Variants in IL17REL observed in about 807,000 individuals in gnomAD.
IL17REL encodes the protein interleukin 17 receptor E like.
In IL17REL, 36 loss-of-function variants were observed where a neutral mutation model predicts 49.0. That is an observed-to-expected ratio of 0.73 (90% CI 0.56 to 0.97). IL17REL has a LOEUF of 0.97. Among genes scored for constraint, IL17REL ranks in the 50% least tolerant of loss-of-function variants. The pLI, the probability that IL17REL is intolerant of heterozygous loss-of-function variation, is 0.00. For synonymous variants in IL17REL, 206 were observed against 192.4 expected (o/e 1.07, Z -0.58); for missense variants, 470 against 453.9 (o/e 1.04, Z -0.32).
exon 2 of IL17REL, chr22:50,001,109 G>A (rs147243670): frequency 1.4e-5 from 22 of 1,598,466 alleles, no homozygotes; most frequent in Admixed American, 5.2e-5. Flanking sequence ...GCGCGTACAC[G>A]CAGGAGCATC....
chr22:49,997,250 A>C, intron 11 of IL17REL, 70 bp downstream of exon 13: 3 of 1,506,378 alleles, frequency 2.0e-6, no homozygotes, highest in Non-Finnish European at 1.8e-6. Context: ...AGACCACCAC[A>C]GGGAAGTGAT....
chr22:50,006,128 G>A (rs1213591573), intron 1 of IL17REL, among the ~76,000 whole-genome samples: 2 of 152,068 alleles, frequency 1.3e-5, no homozygotes, highest in Admixed American at 6.6e-5. Context: ...TGGTGAGGAA[G>A]AACTTCCCCA....
exon 4 of IL17REL, chr22:50,000,581 G>A (rs2061072117): frequency 6.8e-6 from 11 of 1,613,380 alleles, no homozygotes; most frequent in Non-Finnish European, 8.5e-6. Context: ...AGCAGCCAAA[G>A]TGCACTTGGA....
chr22:49,999,952 T>C, exon 5 of IL17REL: 1 of 1,516,934 alleles, frequency 6.6e-7, no homozygotes, highest in Admixed American at 2.1e-5. Flanking sequence ...GTCCACCCAG[T>C]AGCTGAGCTT....
rs768979316 is a variant in IL17REL at position 49,997,784 on chromosome 22, T to TGAGGCA, written c.820-48_820-43dup. The TGAGGCA allele has an allele frequency of 2.8e-5, 45 of 1,597,396 alleles. No homozygotes were observed. In the South Asian group the frequency reaches 4.6e-4, roughly 16 times the overall value. Reference sequence around the variant, plus strand: ...GGGGTGCAGGAGGGTGGAGTGTGTGTGAGGCAGGGGCAGGGACAGGGGCAG... The same window carrying TGAGGCA: ...GGGGTGCAGGAGGGTGGAGTGTGTGTGAGGCAGAGGCAGGGGCAGGGACAGGGGCAG... On this transcript the variant is annotated intron_variant, in intron 9 of 12. Coordinates refer to ENST00000341280, the Ensembl canonical transcript of IL17REL.
At chr22:50,004,928 A>T (rs1346585305) in intron 1 of IL17REL, among the ~76,000 whole-genome samples, 1 of 151,422 alleles carries the variant, frequency 6.6e-6, no homozygotes, top group Non-Finnish European at 1.5e-5. Context: ...AAAAAGACAA[A>T]GACTTATTCC....
chr22:50,000,207 G>A (rs1377077581), intron 4 of IL17REL, among the ~76,000 whole-genome samples: 1 of 152,226 alleles, frequency 6.6e-6, no homozygotes, highest in Admixed American at 6.5e-5. Context: ...GAGGCAGTCG[G>A]GCACGCTCCT....
intron 7 of IL17REL, among the ~76,000 whole-genome samples, chr22:49,998,800 G>T (rs551451899): frequency 1.9e-4 from 29 of 150,848 alleles, no homozygotes; most frequent in African/African-American, 7.1e-4. Flanking sequence ...CGTATGCATG[G>T]GTGTGCCTGC....
chr22:49,997,293 G>A (rs940923797), intron 11 of IL17REL, 27 bp downstream of exon 13: 2 of 1,605,372 alleles, frequency 1.2e-6, no homozygotes, highest in African/African-American at 1.3e-5. Context: ...CACCTCCCCA[G>A]GATGGAGCCC....
exon 13 of IL17REL, chr22:49,995,461 G>A (rs2061028994): frequency 6.6e-6 from 1 of 152,404 alleles, no homozygotes; most frequent in Non-Finnish European, 1.5e-5. Flanking sequence ...ACAGTCAGGT[G>A]AGAACACCCC....
chr22:49,997,193 G>C, intron 11 of IL17REL, 119 bp from the exon 14 acceptor site: 4 of 1,381,516 alleles, frequency 2.9e-6, no homozygotes, highest in Non-Finnish European at 4.0e-6. Flanking sequence ...ATCCCTCCCT[G>C]CCAGGTAGAC....
In IL17REL at chr22:49,997,087, G is replaced by A; in HGVS notation, c.975-13C>T. 1 of 1,572,672 alleles carries A rather than the reference G, an allele frequency of 6.4e-7. No homozygotes were observed. The highest frequency in any genetic ancestry group is 2.3e-5 in the East Asian group (1 of 44,000). On this transcript the variant is annotated splice_polypyrimidine_tract_variant and intron_variant, in intron 11 of 12. Coordinates refer to ENST00000341280, the Ensembl canonical transcript of IL17REL. ...CTGCCAGGTCACCCTGGGTGGGGGA[G>A]GGCAGGTCACAGGCAATGGGAGGAA...
chr22:49,993,357 C>A (rs575616286), downstream of IL17REL, among the ~76,000 whole-genome samples: 1 of 152,332 alleles, frequency 6.6e-6, no homozygotes, highest in African/African-American at 2.4e-5. The surrounding 1 kb of genome is among the most constrained non-coding windows in gnomAD (Gnocchi z 6.0). Context: ...TACCGCACCC[C>A]CCTTTCTGGG....
chr22:49,997,422 C>T lies in IL17REL; in HGVS notation c.878-6G>A, dbSNP rs755683295. 63 of 1,612,920 alleles carry T rather than the reference C, an allele frequency of 3.9e-5. No homozygotes were observed. The East Asian group carries it at 4.9e-4, about 13-fold the overall frequency. ...GCACCTGGAAGTGGGCGGGGCTGGA[C>T]GAGAAGAAGGTGACCCGGAGGTGGC... On this transcript the variant is annotated splice_polypyrimidine_tract_variant and splice_region_variant and intron_variant, in intron 10 of 12. Transcript: ENST00000341280.
At chr22:50,001,580 C>T (rs904751501) in intron 1 of IL17REL, among the ~76,000 whole-genome samples, 1 of 152,220 alleles carries the variant, frequency 6.6e-6, no homozygotes, top group African/African-American at 2.4e-5. Flanking sequence ...TGCTCAAAGA[C>T]GAACAGCAGA....
exon 13 of IL17REL, chr22:49,995,967 C>T (rs1210585106): frequency 6.6e-6 from 1 of 152,386 alleles, no homozygotes; most frequent in Non-Finnish European, 1.5e-5. Context: ...TGGCCATTGC[C>T]CCTTTAGTCT....
Position 49,998,297 on chromosome 22 carries a change from A to G in IL17REL, c.614T>C (p.Leu205Pro), listed in dbSNP as rs1303336568. Reference sequence around the variant, plus strand: ...GTAGACCGTGTCCCACAGCACCTCCAGTGCCTCAGTGTCTGCAGGAACCCT... The same window carrying G: ...GTAGACCGTGTCCCACAGCACCTCCGGTGCCTCAGTGTCTGCAGGAACCCT... Residue 205 changes from leucine to proline, a missense_variant, in exon 8 of 13, where the codon CTG (leucine) becomes CCG (proline). Physicochemically the swap from Leu to Pro is moderately conservative, Grantham distance 98. Coordinates refer to ENST00000341280, the Ensembl canonical transcript of IL17REL. 3 of 1,603,414 alleles carry G rather than the reference A, an allele frequency of 1.9e-6. No homozygotes were observed. In the African/African-American group the frequency reaches 4.0e-5, roughly 22 times the overall value.
chr22:49,999,121 C>T (rs1160344456), intron 7 of IL17REL, among the ~76,000 whole-genome samples, 170 bp downstream of exon 9: 5 of 152,026 alleles, frequency 3.3e-5, no homozygotes, highest in Admixed American at 2.6e-4. Flanking sequence ...CACTTATGCA[C>T]ATCCACATCT....
chr22:50,001,695 T>G (rs2061081295), intron 1 of IL17REL, among the ~76,000 whole-genome samples: 1 of 152,236 alleles, frequency 6.6e-6, no homozygotes, highest in Non-Finnish European at 1.5e-5. Context: ...CAGGGAGGAC[T>G]TGCCCCCAGG....
Sources: gnomAD v4.1 joint callset for allele counts (sites outside exome capture counted in the v4.1 genomes callset) on GRCh38, gnomAD v4.1.1 for gene constraint, Gnocchi (gnomAD v3.1) non-coding constraint, MANE v1.5 for transcripts, NCBI Gene and HGNC (gene_info 2026-07-23, HGNC 2026-07-21) for gene names.